Variants in XKR9 observed in about 807,000 individuals in gnomAD.
The protein encoded by XKR9 is XK-related protein 9.
Under a neutral mutation model 32.0 loss-of-function variants are expected in XKR9, and 32 were observed. That is an observed-to-expected ratio of 1.00 (90% CI 0.76 to 1.34). The LOEUF (loss-of-function observed/expected upper bound fraction) is 1.34, where lower values mean the gene tolerates loss of function less well. Among genes scored for constraint, XKR9 ranks in the 40% most tolerant of loss-of-function variants. XKR9 has a pLI of 0.00. For missense variants in XKR9, 546 were observed against 429.7 expected, an observed-to-expected ratio of 1.27 and a Z score of -2.39; for synonymous variants, 168 against 143.4, an observed-to-expected ratio of 1.17 and a Z score of -1.22.
At chr8:71,002,375 G>GT in the XKR9 span, among the ~76,000 whole-genome samples, 4 of 95,848 alleles carry the variant, frequency 4.2e-5, no homozygotes, top group South Asian at 2.6e-4. Context: ...GTAGGTTTTT[G>GT]TTTTTTTTCC....
At chr8:71,011,783 G>C in the XKR9 span, among the ~76,000 whole-genome samples, 1 of 152,174 alleles carries the variant, frequency 6.6e-6, no homozygotes, top group Non-Finnish European at 1.5e-5. Context: ...ATTATGGGGG[G>C]AAACTGTTTG....
chr8:70,850,953 A>C, the XKR9 span, among the ~76,000 whole-genome samples: 1 of 152,188 alleles, frequency 6.6e-6, no homozygotes, highest in Non-Finnish European at 1.5e-5. Flanking sequence ...CAAGAAAAGA[A>C]ATAAAGGGTA....
At chr8:70,841,353 T>C in the XKR9 span, among the ~76,000 whole-genome samples, 1 of 152,216 alleles carries the variant, frequency 6.6e-6, no homozygotes, top group African/African-American at 2.4e-5. Context: ...CAAATCACAG[T>C]TTGGTTTTAT....
At chr8:70,943,784 T>C in the XKR9 span, among the ~76,000 whole-genome samples, 3 of 152,286 alleles carry the variant, frequency 2.0e-5, no homozygotes, top group Middle Eastern at 3.4e-3. Flanking sequence ...TCAGGAACTA[T>C]AAAAATGGCA....
At chr8:70,842,450 G>A in the XKR9 span, among the ~76,000 whole-genome samples, 2 of 152,022 alleles carry the variant, frequency 1.3e-5, no homozygotes, top group Non-Finnish European at 2.9e-5. Context: ...GGTGCCGGAT[G>A]TTATTTAATA....
At chr8:70,918,955 T>C in the XKR9 span, among the ~76,000 whole-genome samples, 3 of 151,684 alleles carry the variant, frequency 2.0e-5, no homozygotes, top group Non-Finnish European at 4.4e-5. Context: ...TTTTTTGTAT[T>C]TCTAGTAGAG....
chr8:70,725,756 A>G (rs546150554), intron 4 of XKR9, among the ~76,000 whole-genome samples: 6 of 152,154 alleles, frequency 3.9e-5, no homozygotes, highest in African/African-American at 1.4e-4. Flanking sequence ...AAATACAAAA[A>G]TTAGCTGGGC....
chr8:70,803,991 G>A, the XKR9 span, among the ~76,000 whole-genome samples: 3 of 152,220 alleles, frequency 2.0e-5, no homozygotes, highest in Non-Finnish European at 4.4e-5. Context: ...TGTCTCCCAG[G>A]ACAACAGGAG....
chr8:70,954,856 T>C, the XKR9 span, among the ~76,000 whole-genome samples: 1 of 152,256 alleles, frequency 6.6e-6, no homozygotes, highest in Non-Finnish European at 1.5e-5. Flanking sequence ...AGCTGTACTA[T>C]GTAGAATATT....
chr8:70,832,651 C>T, the XKR9 span, among the ~76,000 whole-genome samples: 6 of 152,126 alleles, frequency 3.9e-5, no homozygotes, highest in South Asian at 1.2e-3. Flanking sequence ...TTAAGCATTA[C>T]AGTGTGCTAG....
chr8:70,936,998 C>A, the XKR9 span, among the ~76,000 whole-genome samples: 1 of 151,882 alleles, frequency 6.6e-6, no homozygotes, highest in Non-Finnish European at 1.5e-5. Flanking sequence ...CTAACTGCAG[C>A]AAATGATCAG....
At chr8:70,742,736 G>A (rs1221925654) in intron 2 of XKR9, among the ~76,000 whole-genome samples, 1 of 151,744 alleles carries the variant, frequency 6.6e-6, no homozygotes, top group Non-Finnish European at 1.5e-5. Context: ...ACTATTGTCT[G>A]GTCTCCATTG....
chr8:70,928,566 T>C, the XKR9 span, among the ~76,000 whole-genome samples: 2 of 152,162 alleles, frequency 1.3e-5, no homozygotes, highest in African/African-American at 4.8e-5. Flanking sequence ...GGAAAGTATA[T>C]GGCCTAGCCC....
chr8:71,015,176 C>A, the XKR9 span, among the ~76,000 whole-genome samples: 1 of 152,148 alleles, frequency 6.6e-6, no homozygotes, highest in African/African-American at 2.4e-5. Context: ...CACTTCAGTT[C>A]AACTCTTCTA....
the XKR9 span, among the ~76,000 whole-genome samples, chr8:70,817,527 A>G: frequency 2.6e-5 from 4 of 152,188 alleles, no homozygotes; most frequent in African/African-American, 9.7e-5. Context: ...AGAAGAATCA[A>G]TATCATTGAA....
At chr8:70,881,024 G>T in the XKR9 span, among the ~76,000 whole-genome samples, 1 of 152,190 alleles carries the variant, frequency 6.6e-6, no homozygotes, top group Non-Finnish European at 1.5e-5. Flanking sequence ...ATGGGGAAAA[G>T]ATTCCCTATT....
chr8:70,929,049 T>TA, the XKR9 span, among the ~76,000 whole-genome samples: 1 of 152,158 alleles, frequency 6.6e-6, no homozygotes, highest in African/African-American at 2.4e-5. Context: ...ATCATAGTAG[T>TA]AAAAATGCAA....
the XKR9 span, among the ~76,000 whole-genome samples, chr8:71,012,379 T>C: frequency 6.6e-6 from 1 of 152,150 alleles, no homozygotes; most frequent in East Asian, 1.9e-4. Context: ...CCAGGGAAGG[T>C]TGGTGGCTAT....
At chr8:70,863,220 C>G in the XKR9 span, among the ~76,000 whole-genome samples, 1 of 152,082 alleles carries the variant, frequency 6.6e-6, no homozygotes, top group East Asian at 1.9e-4. Flanking sequence ...GAAGAAGGAG[C>G]AGCGGAAGGA....
Sources: allele counts gnomAD v4.1 joint callset (sites outside exome capture counted in the v4.1 genomes callset), GRCh38; gene constraint gnomAD v4.1.1; transcripts MANE v1.5; gene names NCBI Gene and HGNC (gene_info 2026-07-23, HGNC 2026-07-21).